The following HNF1B variants were observed in gnomAD, a reference collection of about 807,000 sequenced individuals.
HNF1B encodes hepatocyte nuclear factor 1-beta.
Under a neutral mutation model 61.7 loss-of-function variants are expected in HNF1B, and 8 were observed. The observed-to-expected ratio is 0.13, with a 90% confidence interval of 0.08 to 0.23. The LOEUF (loss-of-function observed/expected upper bound fraction) is 0.23. HNF1B is among the 10% of genes least tolerant of loss of function. The pLI is 1.00. For missense variants in HNF1B, 562 were observed against 714.5 expected, an observed-to-expected ratio of 0.79 and a Z score of 2.43; for synonymous variants, 314 against 287.7, an observed-to-expected ratio of 1.09 and a Z score of -0.93.
At chr17:37,739,721 G>A (rs1394269257) in intron 1 of HNF1B, 82 bp from the exon 2 acceptor site, 2 of 1,279,906 alleles carry the variant, frequency 1.6e-6, no homozygotes, top group Non-Finnish European at 2.2e-6. Context: ...TGCTACCTAT[G>A]GTCTATGCAA....
chr17:37,744,767 C>G lies in HNF1B; in HGVS notation c.118G>C (p.Gly40Arg), dbSNP rs753701914. 6.2e-7 allele frequency: 1 copy of G among 1,613,624 alleles called. No individual in the cohort carries two copies. Among genetic ancestry groups the G allele is most frequent in the South Asian group, 1.1e-5 (1 of 91,088 alleles). Residue 40 changes from glycine (G) to arginine (R), a missense_variant, in exon 1 of 9, where the codon GGG (glycine) becomes CGG (arginine). By Grantham distance (125) the Gly-to-Arg change is moderately radical. Coordinates refer to ENST00000617811, the MANE Select transcript of HNF1B (RefSeq NM_000458.4). ...AGGGGCAGCGTCTCCAGCTTCACCC[C>G]GAAGTTCGGGGATGGCAGCAACTCC... ...LEELLPSPNF[G>R]VKLETLPLSP... is the part of the protein sequence containing the mutation.
intron 4 of HNF1B, among the ~76,000 whole-genome samples, chr17:37,726,638 G>T (rs2033507957): frequency 6.6e-6 from 1 of 152,218 alleles, no homozygotes; most frequent in Non-Finnish European, 1.5e-5. Context: ...GGGCTGTGAA[G>T]GGGGATGAGC....
intron 8 of HNF1B, among the ~76,000 whole-genome samples, chr17:37,688,412 C>CACACAT (rs2032060118): frequency 6.6e-6 from 1 of 151,904 alleles, no homozygotes. Context: ...CACACACACA[C>CACACAT]ACACACACAC....
intron 2 of HNF1B, among the ~76,000 whole-genome samples, chr17:37,737,709 C>T (rs982660323): frequency 1.3e-5 from 2 of 151,622 alleles, no homozygotes; most frequent in African/African-American, 4.8e-5. Flanking sequence ...GTGGCGGGCA[C>T]CTGCAGTCCC....
At chr17:37,743,035 C>T (rs1056093727) in intron 1 of HNF1B, among the ~76,000 whole-genome samples, 14 of 152,288 alleles carry the variant, frequency 9.2e-5, no homozygotes, top group African/African-American at 3.1e-4. Flanking sequence ...TTAATAACAC[C>T]CCAACTCCAC....
chr17:37,733,936 T>G, intron 2 of HNF1B, 115 bp from the exon 3 acceptor site: 3 of 1,254,844 alleles, frequency 2.4e-6, no homozygotes, highest in Non-Finnish European at 3.4e-6. Context: ...CTAACTAAGC[T>G]TTGCAACCTT....
intron 8 of HNF1B, among the ~76,000 whole-genome samples, chr17:37,697,637 G>A (rs992016916): frequency 5.9e-5 from 9 of 152,176 alleles, no homozygotes; most frequent in African/African-American, 1.2e-4. Flanking sequence ...GGGCCGCTGC[G>A]CCTGGCTGCC....
chr17:37,705,091 G>T, intron 5 of HNF1B, 42 bp from the exon 6 acceptor site: 1 of 1,592,656 alleles, frequency 6.3e-7, no homozygotes, highest in South Asian at 1.1e-5. Context: ...GGTGGACTTG[G>T]ACCACAAAGA....
intron 4 of HNF1B, among the ~76,000 whole-genome samples, chr17:37,717,458 G>C (rs2033162053): frequency 6.6e-6 from 1 of 152,192 alleles, no homozygotes; most frequent in Non-Finnish European, 1.5e-5. Flanking sequence ...GCAGGAGAGA[G>C]CATGCGAAGG....
rs2031994731 is a variant in HNF1B, at chr17:37,687,084, T to C, written c.*288A>G. ...CACAACATAGACAGTACGGCTTTCT[T>C]GCTTCCTCTTCGGAGGTTCCTTGTC... is the stretch of plus-strand genomic sequence containing the variant. On this transcript the variant is annotated 3_prime_UTR_variant, in exon 9 of 9. Transcript: ENST00000617811. 4.9e-6 allele frequency: 3 copies of C among 607,294 alleles called. No individual in the cohort carries two copies. The highest frequency in any genetic ancestry group is 8.8e-6 in the Non-Finnish European group (3 of 341,308). The allele number at this position is 607,294 out of a possible 1,614,324, so 37.6% of individuals were successfully genotyped here. A position where few individuals can be genotyped will look rare whatever the true frequency, so the allele number is the denominator to read the frequency against.
At position 37,710,602 on chromosome 17, in the gene HNF1B, A is replaced by G. The variant is rs1182426750; in HGVS notation, c.1107T>C (p.His369=). Residue 369 remains histidine (H), a synonymous_variant, in exon 5 of 9, where the codon CAT becomes CAC. Transcript: ENST00000617811. ...EITSSSTISH[H]GNSAMVTSQS... is the part of the protein sequence containing the mutation. ...GGCTGGTCACCATGGCGCTGTTGCC[A>G]TGGTGACTGATTGTTGAGGAGGAAG... 1 of 1,612,982 alleles carries G rather than the reference A, an allele frequency of 6.2e-7. No individual in the cohort carries two copies. Among genetic ancestry groups the G allele is most frequent in the Admixed American group, 1.7e-5 (1 of 60,020 alleles).
At chr17:37,688,102 G>A (rs1272611721) in intron 8 of HNF1B, among the ~76,000 whole-genome samples, 1 of 152,220 alleles carries the variant, frequency 6.6e-6, no homozygotes, top group Non-Finnish European at 1.5e-5. Context: ...TCCAAAGGCT[G>A]AAGGCCTCTG....
At chr17:37,712,482 G>A (rs893975272) in intron 4 of HNF1B, among the ~76,000 whole-genome samples, 3 of 150,848 alleles carry the variant, frequency 2.0e-5, no homozygotes, top group African/African-American at 7.5e-5. Flanking sequence ...GTTCCCAGTA[G>A]GATGCTTCCA....
intron 8 of HNF1B, among the ~76,000 whole-genome samples, chr17:37,696,070 G>T (rs12449654): frequency 6.6e-6 from 1 of 152,086 alleles, no homozygotes; most frequent in African/African-American, 2.4e-5. Context: ...TGTTGGAGGT[G>T]GGGCTCAGTG....
At chr17:37,687,420 C>CAG (rs1568628658) in intron 8 of HNF1B, 28 bp from the exon 9 acceptor site, 1 of 1,562,518 alleles carries the variant, frequency 6.4e-7, no homozygotes, top group Non-Finnish European at 8.8e-7. Flanking sequence ...AGAGGGTGCT[C>CAG]AGCTGTGTCA....
In HNF1B at chr17:37,731,696, A is replaced by G. The variant is rs138337706; in HGVS notation, c.944T>C (p.Met315Thr). ...KEEAFRQKLAMDAYSSNQTHS... is the reference protein window; with the variant it reads ...KEEAFRQKLATDAYSSNQTHS... The stretch of plus-strand genomic sequence containing the variant: ...AGTCTGGTTGGAGCTATAGGCGTCC[A>G]TGGCCAGCTTTTGCCGGAATGCCTC... Residue 315 changes from methionine to threonine, a missense_variant, in exon 4 of 9, where the codon ATG becomes ACG. Coordinates refer to ENST00000617811, the MANE Select transcript of HNF1B (RefSeq NM_000458.4). 42 of 1,614,044 alleles carry G rather than the reference A, an allele frequency of 2.6e-5. No homozygotes were observed. Among genetic ancestry groups the G allele is most frequent in the Non-Finnish European group, 3.3e-5 (39 of 1,180,020 alleles).
At chr17:37,710,455 C>T (rs2032894552) in intron 5 of HNF1B, 48 bp downstream of exon 5, 1 of 1,606,292 alleles carries the variant, frequency 6.2e-7, no homozygotes, top group African/African-American at 1.3e-5. Context: ...GTTTGTTTTG[C>T]CTCTTATCTT....
chr17:37,738,611 C>T (rs1234207958), intron 2 of HNF1B, among the ~76,000 whole-genome samples: 1 of 152,126 alleles, frequency 6.6e-6, no homozygotes. Flanking sequence ...GAATACTTTC[C>T]TAAAATACAG....
chr17:37,740,217 C>A (rs1176058028), intron 1 of HNF1B, among the ~76,000 whole-genome samples: 1 of 152,140 alleles, frequency 6.6e-6, no homozygotes, highest in Admixed American at 6.5e-5. Context: ...GATCCATCTG[C>A]CTCGGCCTCC....
Sources: gnomAD v4.1 joint callset for allele counts (sites outside exome capture counted in the v4.1 genomes callset) on GRCh38, gnomAD v4.1.1 for gene constraint, MANE v1.5 for transcripts, NCBI Gene and HGNC (gene_info 2026-07-23, HGNC 2026-07-21) for gene names.